MTHFD1L: variants seen among roughly 807,000 people sequenced by gnomAD.
MTHFD1L encodes the protein monofunctional C1-tetrahydrofolate synthase, mitochondrial.
In MTHFD1L, 81 loss-of-function variants were observed where a neutral mutation model predicts 119.5. The ratio of observed to expected loss-of-function variants is 0.68; its 90% CI spans 0.57 to 0.82. The LOEUF (loss-of-function observed/expected upper bound fraction) is 0.82. MTHFD1L is among the 40% of genes least tolerant of loss of function. MTHFD1L has a pLI of 0.00. For missense variants in MTHFD1L, 1,125 were observed against 1,253.4 expected (o/e 0.90, Z 1.55); for synonymous variants, 430 against 475.2 (o/e 0.90, Z 1.24).
chr6:151,012,629 T>C, intron 21 of MTHFD1L, among the ~76,000 whole-genome samples: 1 of 152,222 alleles, frequency 6.6e-6, no homozygotes, highest in Non-Finnish European at 1.5e-5. Context: ...TGCTATGCTT[T>C]GGGATCCACA....
chr6:150,999,057 T>C (rs1780243439), intron 20 of MTHFD1L, among the ~76,000 whole-genome samples: 1 of 151,296 alleles, frequency 6.6e-6, no homozygotes, highest in African/African-American at 2.4e-5. Context: ...GAAATATAAA[T>C]GAATTTCATG....
intron 19 of MTHFD1L, among the ~76,000 whole-genome samples, chr6:150,967,535 C>G (rs1022689233): frequency 9.9e-5 from 15 of 152,210 alleles, no homozygotes; most frequent in African/African-American, 3.4e-4. Context: ...TGGGGAAAAG[C>G]CATTTCAAAC....
At chr6:151,009,539 A>T (rs2128480968) in intron 20 of MTHFD1L, among the ~76,000 whole-genome samples, 1 of 152,264 alleles carries the variant, frequency 6.6e-6, no homozygotes, top group South Asian at 2.1e-4. Flanking sequence ...ATCTCCAAAA[A>T]AAAAAGCTTC....
intron 19 of MTHFD1L, among the ~76,000 whole-genome samples, chr6:150,969,867 A>G (rs972289405): frequency 3.3e-5 from 5 of 152,214 alleles, no homozygotes; most frequent in Non-Finnish European, 7.3e-5. Context: ...CATTTAAGGC[A>G]TAGGCTGTTT....
At chr6:151,077,961 G>A (rs1445911607) in intron 26 of MTHFD1L, among the ~76,000 whole-genome samples, 2 of 145,296 alleles carry the variant, frequency 1.4e-5, no homozygotes, top group Non-Finnish European at 3.0e-5. Context: ...GCTGAGGCAG[G>A]AGAATGGCAT....
Position 150,944,479 on chromosome 6 carries a change from T to G in MTHFD1L, c.1441-7T>G. The G allele has an allele frequency of 1.9e-6, 3 of 1,600,054 alleles. No homozygotes were observed. Among genetic ancestry groups the G allele is most frequent in the Non-Finnish European group, 2.6e-6 (3 of 1,168,716 alleles). On this transcript the variant is annotated splice_polypyrimidine_tract_variant and splice_region_variant and intron_variant, in intron 13 of 27. Transcript: ENST00000367321. ...TAAATAAATAGAAAGATATCTTATT[T>G]CTCTAGTTCAACCTTCACTTGACTG... is the stretch of plus-strand genomic sequence containing the variant.
At chr6:151,081,969 G>A (rs945813382) in intron 26 of MTHFD1L, among the ~76,000 whole-genome samples, 19 of 151,946 alleles carry the variant, frequency 1.3e-4, no homozygotes, top group South Asian at 4.2e-4. Context: ...AGGGACTACC[G>A]AATGATGATT....
At chr6:151,017,825 G>GTTTTTTTTT (rs1783342400) in intron 24 of MTHFD1L, among the ~76,000 whole-genome samples, 1 of 119,574 alleles carries the variant, frequency 8.4e-6, no homozygotes, top group African/African-American at 3.7e-5. Context: ...TCAAGACCGT[G>GTTTTTTTTT]TTTTCTTTTT....
chr6:151,088,701 C>A (rs1794083313), intron 26 of MTHFD1L, among the ~76,000 whole-genome samples: 1 of 151,038 alleles, frequency 6.6e-6, no homozygotes, highest in African/African-American at 2.4e-5. Context: ...AAGTGATCCG[C>A]CCGCCTCGGC....
intron 20 of MTHFD1L, among the ~76,000 whole-genome samples, chr6:150,987,296 C>T (rs184943526): frequency 7.7e-4 from 117 of 152,192 alleles, no homozygotes; most frequent in African/African-American, 2.7e-3. Context: ...TTTCTTGCCC[C>T]AGTTCTCTTG....
chr6:150,893,803 G>A (rs1783753314), intron 7 of MTHFD1L, among the ~76,000 whole-genome samples: 1 of 152,208 alleles, frequency 6.6e-6, no homozygotes, highest in Non-Finnish European at 1.5e-5. Flanking sequence ...CAACATTTGT[G>A]TTCTCATTAA....
At chr6:150,951,415 A>G (rs1794862631) in intron 16 of MTHFD1L, among the ~76,000 whole-genome samples, 1 of 152,238 alleles carries the variant, frequency 6.6e-6, no homozygotes, top group Admixed American at 6.5e-5. Flanking sequence ...AAGAATTTTA[A>G]AAACCTTGCT....
intron 20 of MTHFD1L, among the ~76,000 whole-genome samples, chr6:150,991,615 G>A (rs969034841): frequency 1.3e-5 from 2 of 152,090 alleles, no homozygotes; most frequent in African/African-American, 4.8e-5. Context: ...TTGACATGTA[G>A]ACACAGGGAA....
intron 20 of MTHFD1L, among the ~76,000 whole-genome samples, chr6:150,980,664 G>A (rs1777338356): frequency 6.9e-6 from 1 of 145,930 alleles, no homozygotes; most frequent in Non-Finnish European, 1.5e-5. Flanking sequence ...GATCAATTAT[G>A]CCCAGCAGTT....
At chr6:151,069,340 G>T (rs1791708563) in intron 26 of MTHFD1L, among the ~76,000 whole-genome samples, 1 of 151,270 alleles carries the variant, frequency 6.6e-6, no homozygotes, top group African/African-American at 2.4e-5. Flanking sequence ...GCCAGGAAGG[G>T]TAAGGTATTG....
chr6:150,895,889 T>A (rs1228279974), intron 7 of MTHFD1L, among the ~76,000 whole-genome samples: 1 of 152,178 alleles, frequency 6.6e-6, no homozygotes, highest in Non-Finnish European at 1.5e-5. Flanking sequence ...AAAGCAGTAA[T>A]GTGCTATGGT....
rs1377270100 is a variant in MTHFD1L, at chr6:150,916,467, A to ATTT, written c.893-2080_893-2078dup. On this transcript the variant is annotated intron_variant, in intron 8 of 27. Coordinates refer to ENST00000367321, the MANE Select transcript of MTHFD1L (RefSeq NM_015440.5). ...AGGTGTGCACCACCACGCCCAGCTA[A>ATTT]TTTTTTTTTTTTTTTTTTTTTTTTT... 7.7e-4 allele frequency among the ~76,000 whole-genome samples: 30 copies of ATTT among 39,044 alleles called. 1 individual carries two copies. Among genetic ancestry groups the ATTT allele is most frequent in the East Asian group, 1.9e-3 (1 of 524 alleles). 25.6% of individuals were successfully genotyped at this position (39,044 alleles called of 152,430 possible).
chr6:151,023,045 T>G (rs1226094937), intron 24 of MTHFD1L, among the ~76,000 whole-genome samples: 4 of 146,274 alleles, frequency 2.7e-5, no homozygotes, highest in African/African-American at 5.0e-5. Context: ...GGTTGGTTTT[T>G]GGGTTTTTTT....
intron 26 of MTHFD1L, among the ~76,000 whole-genome samples, chr6:151,066,566 C>T (rs573694704): frequency 6.6e-6 from 1 of 151,226 alleles, no homozygotes; most frequent in South Asian, 2.1e-4. Context: ...GAGATTGAGA[C>T]CATCCTGGCT....
Sources: allele counts gnomAD v4.1 joint callset (sites outside exome capture counted in the v4.1 genomes callset), GRCh38; gene constraint gnomAD v4.1.1; transcripts MANE v1.5; gene names NCBI Gene and HGNC (gene_info 2026-07-23, HGNC 2026-07-21).